SPON2: variants seen among roughly 807,000 people sequenced by gnomAD.
SPON2 encodes the protein spondin 2, also known as spondin-2.
In SPON2, 32 loss-of-function variants were observed where a neutral mutation model predicts 29.9. The ratio of observed to expected loss-of-function variants is 1.07; its 90% CI spans 0.81 to 1.44. The LOEUF is 1.44. SPON2 is among the 40% of genes most tolerant of loss of function. The probability of loss-of-function intolerance (pLI) is 0.00; values close to 1 mark genes in which losing one functional copy is unlikely to be tolerated. For missense variants in SPON2, 541 were observed against 455.5 expected (o/e 1.19, Z -1.71); for synonymous variants, 248 against 209.1 (o/e 1.19, Z -1.61).
At chr4:1,195,344 C>T (rs897566339), upstream of SPON2, among the ~76,000 whole-genome samples, 42 of 152,116 alleles carry the variant, frequency 2.8e-4, no homozygotes, top group South Asian at 2.1e-4. Context: ...CCACAGGCAA[C>T]AGGACCGGCC....
chr4:1,190,383 A>G (rs1017567949), intron 1 of SPON2, among the ~76,000 whole-genome samples: 11 of 152,216 alleles, frequency 7.2e-5, no homozygotes, highest in African/African-American at 2.7e-4. Flanking sequence ...AAGCATAATT[A>G]ATACCAATCC....
chr4:1,194,568 C>T (rs1369829268), intron 1 of SPON2, among the ~76,000 whole-genome samples: 2 of 152,162 alleles, frequency 1.3e-5, no homozygotes, highest in Admixed American at 6.5e-5. Flanking sequence ...CCCGGGTGGG[C>T]TCCGTCCTCT....
intron 1 of SPON2, among the ~76,000 whole-genome samples, chr4:1,189,382 T>C (rs1049629359): frequency 3.3e-5 from 5 of 151,336 alleles, no homozygotes; most frequent in African/African-American, 1.2e-4. Context: ...ACAGACCGGG[T>C]ATGGTGGCTC....
At chr4:1,198,835 A>G (rs1728130923), upstream of SPON2, among the ~76,000 whole-genome samples, 1 of 152,194 alleles carries the variant, frequency 6.6e-6, no homozygotes, top group Non-Finnish European at 1.5e-5. Context: ...TATGAATAAA[A>G]GCACTATTTC....
At chr4:1,169,005 G>A (rs1429797409) in intron 5 of SPON2, among the ~76,000 whole-genome samples, 3 of 152,130 alleles carry the variant, frequency 2.0e-5, no homozygotes, top group Admixed American at 1.3e-4. Context: ...CCCTCGGCTG[G>A]CACAGCTGGC....
chr4:1,178,408 C>T (rs968474015), intron 2 of SPON2, among the ~76,000 whole-genome samples: 41 of 151,858 alleles, frequency 2.7e-4, no homozygotes, highest in African/African-American at 9.7e-4. Context: ...CCCCCTCCCC[C>T]TCCCTCATCT....
At chr4:1,188,999 A>G (rs560959116) in intron 1 of SPON2, among the ~76,000 whole-genome samples, 23 of 152,350 alleles carry the variant, frequency 1.5e-4, no homozygotes, top group African/African-American at 5.5e-4. Flanking sequence ...TCTTACCACA[A>G]TTGAATGAAA....
chr4:1,176,095 T>C (rs957820066), upstream of SPON2, among the ~76,000 whole-genome samples: 2 of 152,214 alleles, frequency 1.3e-5, no homozygotes, highest in African/African-American at 2.4e-5. Context: ...TGGATCGGGC[T>C]GGGGTCTCAG....
exon 1 of SPON2, chr4:1,195,082 C>T (rs1249702359): frequency 1.4e-5 from 2 of 139,194 alleles, no homozygotes; most frequent in African/African-American, 5.3e-5. Context: ...ACCCCGCAGC[C>T]GGCGGCTCCA....
At chr4:1,193,747 G>GC (rs1727966681) in intron 1 of SPON2, among the ~76,000 whole-genome samples, 1 of 2,118 alleles carries the variant, frequency 4.7e-4, no homozygotes, top group Non-Finnish European at 1.0e-3. Flanking sequence ...AAGGACGTGG[G>GC]GGGTGGTGTG....
chr4:1,195,725 G>T (rs1477002810), upstream of SPON2, among the ~76,000 whole-genome samples: 8 of 148,074 alleles, frequency 5.4e-5, no homozygotes, highest in Admixed American at 2.7e-4. Flanking sequence ...CCACCCCGGA[G>T]ACCCCCAGCC....
chr4:1,169,528 GAC>G (rs1218888284), intron 5 of SPON2, among the ~76,000 whole-genome samples: 1 of 152,168 alleles, frequency 6.6e-6, no homozygotes, highest in African/African-American at 2.4e-5. Context: ...AGGGACGGCT[GAC>G]AGTAAGCTTG....
rs554137125 is a variant in SPON2 at position 1,207,341 on chromosome 4, C to T, written c.-234+539G>A. Among the ~76,000 whole-genome samples, 33 of 152,260 alleles carry T rather than the reference C, an allele frequency of 2.2e-4. 1 individual carries two copies. Among genetic ancestry groups the T allele is most frequent in the Admixed American group, 1.3e-3 (20 of 15,310 alleles). On this transcript the variant is annotated intron_variant, in intron 1 of 3. Transcript: ENST00000509233. The stretch of plus-strand genomic sequence containing the variant: ...CCACAGCCCTGGCCCCGGCTGGCCC[C>T]GGCGTCCCCACAGTGGGCACCCCCA...
chr4:1,182,505 A>G (rs1317596698), intron 1 of SPON2, among the ~76,000 whole-genome samples: 1 of 152,248 alleles, frequency 6.6e-6, no homozygotes, highest in Non-Finnish European at 1.5e-5. Context: ...AGAAAGAATC[A>G]GAGAACTTGA....
At chr4:1,194,563 G>A (rs1727997083) in intron 1 of SPON2, among the ~76,000 whole-genome samples, 1 of 152,190 alleles carries the variant, frequency 6.6e-6, no homozygotes, top group African/African-American at 2.4e-5. Context: ...CCTGGCCCGG[G>A]TGGGCTCCGT....
At chr4:1,179,452 T>C (rs1230251986) in exon 2 of SPON2, 1 of 152,200 alleles carries the variant, frequency 6.6e-6, no homozygotes, top group Non-Finnish European at 1.5e-5. Context: ...TAGTACCTTT[T>C]TCTATCCACG....
chr4:1,201,017 C>A, intron 1 of SPON2: 2 of 456,610 alleles, frequency 4.4e-6, no homozygotes, highest in South Asian at 3.1e-5. Context: ...CTGTTCCCAC[C>A]ATACCTGGTC....
rs1414608475 is a variant in SPON2 at position 1,171,906 on chromosome 4, A to G, written c.166T>C (p.Phe56Leu). The change falls in exon 2 of 6, where the codon TTC becomes CTC. Residue 56 changes from phenylalanine to leucine, a missense_variant. By Grantham distance (22) the Phe-to-Leu change is conservative (BLOSUM62 0). Coordinates refer to ENST00000290902, the MANE Select transcript of SPON2 (RefSeq NM_012445.4). ...TFTGKWSQTAFPKQYPLFRPP... is the reference protein window; with the variant it reads ...TFTGKWSQTALPKQYPLFRPP... ...CGGAACAGGGGGTACTGCTTGGGGA[A>G]GGCCGTCTGGCTCCACTTGCCCGTG... 1 of 1,612,838 alleles carries G rather than the reference A, an allele frequency of 6.2e-7. No homozygotes were observed. Among genetic ancestry groups the G allele is most frequent in the Non-Finnish European group, 8.5e-7 (1 of 1,179,936 alleles).
At chr4:1,197,970 T>A (rs939962175), upstream of SPON2, among the ~76,000 whole-genome samples, 3 of 150,234 alleles carry the variant, frequency 2.0e-5, no homozygotes, top group African/African-American at 7.4e-5. Flanking sequence ...ATTGCTTGAA[T>A]CCGGGAGGTG....
Sources: gnomAD v4.1 joint callset for allele counts (sites outside exome capture counted in the v4.1 genomes callset) on GRCh38, gnomAD v4.1.1 for gene constraint, MANE v1.5 for transcripts, NCBI Gene and HGNC (gene_info 2026-07-23, HGNC 2026-07-21) for gene names.